ZDHHC11: variants seen among roughly 807,000 people sequenced by gnomAD.
The protein encoded by ZDHHC11 is palmitoyltransferase ZDHHC11.
Under a neutral mutation model 51.3 loss-of-function variants are expected in ZDHHC11, and 44 were observed. The observed-to-expected ratio is 0.86, with a 90% confidence interval of 0.67 to 1.10. The LOEUF is 1.10. ZDHHC11 is among the 50% of genes least tolerant of loss of function. The probability of loss-of-function intolerance (pLI) is 0.00; values close to 1 mark genes in which losing one functional copy is unlikely to be tolerated. For synonymous variants in ZDHHC11, 163 were observed against 222.0 expected (o/e 0.73, Z 2.36); for missense variants, 400 against 537.7 (o/e 0.74, Z 2.53).
At chr5:814,054 C>G (rs191137553) in intron 11 of ZDHHC11, among the ~76,000 whole-genome samples, 5 of 148,428 alleles carry the variant, frequency 3.4e-5, no homozygotes, top group Admixed American at 1.4e-4. Context: ...TATAAAGCTG[C>G]TTTTTAAAAT....
chr5:850,668 C>A lies in ZDHHC11; in HGVS notation c.-66G>T. On this transcript the variant is annotated 5_prime_UTR_variant, in exon 1 of 13. Transcript: ENST00000283441. ...TGGGAGGGCCGGCCCCGCCCACTGT[C>A]ACAGAGACCAAGGGGACTGGGAATG... is the stretch of plus-strand genomic sequence containing the variant. The A allele has an allele frequency of 6.3e-7, 1 of 1,579,108 alleles. No individual in the cohort carries two copies.
chr5:809,410 C>T (rs1739791200), intron 11 of ZDHHC11, among the ~76,000 whole-genome samples: 1 of 144,092 alleles, frequency 6.9e-6, no homozygotes, highest in Non-Finnish European at 1.5e-5. Flanking sequence ...GGTGTCAGCT[C>T]CCAAATGTGG....
chr5:800,891 T>A (rs1336423029), intron 12 of ZDHHC11, among the ~76,000 whole-genome samples: 3 of 151,366 alleles, frequency 2.0e-5, no homozygotes, highest in African/African-American at 4.9e-5. Context: ...TAAAGATGAA[T>A]TGATACTCTC....
chr5:843,978 A>AGGGGTG (rs1745639276), intron 3 of ZDHHC11, among the ~76,000 whole-genome samples: 1 of 78,106 alleles, frequency 1.3e-5, no homozygotes, highest in Admixed American at 1.4e-4. Context: ...AGGCAGGGGC[A>AGGGGTG]GGGACACGCA....
chr5:836,718 ATAATTCATGTCAC>A lies in ZDHHC11; in HGVS notation c.900+634_900+646del, dbSNP rs1743908010. Among the ~76,000 whole-genome samples, 6 of 149,514 alleles carry A rather than the reference ATAATTCATGTCAC, an allele frequency of 4.0e-5. No homozygotes were observed. In the South Asian group the frequency reaches 1.1e-3, roughly 27 times the overall value. On this transcript the variant is annotated intron_variant, in intron 6 of 12. Transcript: ENST00000283441. ...TCTATGTCTTCTTGAGTTAGTTATA[ATAATTCATGTCAC>A]TTAACCGGAAAGGGAACTAACTTCC...
chr5:816,178 A>C (rs949932479), intron 10 of ZDHHC11, among the ~76,000 whole-genome samples: 2 of 142,292 alleles, frequency 1.4e-5, no homozygotes, highest in African/African-American at 5.8e-5. Context: ...TCTGTGGCTT[A>C]TATTTTCATT....
chr5:848,790 C>T (rs1056323074), intron 1 of ZDHHC11, 130 bp from the exon 2 acceptor site: 58 of 1,335,246 alleles, frequency 4.3e-5, no homozygotes, highest in Non-Finnish European at 5.8e-5. Context: ...CACACGTGAG[C>T]CCAGCTCACC....
intron 7 of ZDHHC11, among the ~76,000 whole-genome samples, chr5:829,258 T>C (rs1413674470): frequency 6.6e-6 from 1 of 151,104 alleles, no homozygotes; most frequent in African/African-American, 2.4e-5. Flanking sequence ...ATTAGCAACA[T>C]TAAGCAAGAA....
intron 1 of ZDHHC11, among the ~76,000 whole-genome samples, chr5:857,734 T>TC (rs1171790435): frequency 7.3e-5 from 11 of 150,150 alleles, no homozygotes; most frequent in South Asian, 2.1e-4. Context: ...TCTGTCTCGG[T>TC]CCCCGTCCTG....
intron 11 of ZDHHC11, among the ~76,000 whole-genome samples, chr5:810,633 TGTGA>T (rs1380237415): frequency 2.6e-5 from 4 of 151,374 alleles, no homozygotes; most frequent in African/African-American, 9.7e-5. Context: ...AGTAAAAGGC[TGTGA>T]GTGAGTCTAT....
At chr5:811,660 T>G (rs923067206) in intron 11 of ZDHHC11, among the ~76,000 whole-genome samples, 1 of 150,086 alleles carries the variant, frequency 6.7e-6, no homozygotes, top group Admixed American at 6.6e-5. Flanking sequence ...CCCAGCGGAG[T>G]TGGGATGCCA....
intron 1 of ZDHHC11, among the ~76,000 whole-genome samples, chr5:858,010 C>T (rs2150527279): frequency 7.0e-6 from 1 of 143,498 alleles, no homozygotes; most frequent in Admixed American, 6.8e-5. Flanking sequence ...CGGGTCTGTC[C>T]CGGTCCTGTC....
At chr5:827,061 G>A (rs1397441073) in intron 7 of ZDHHC11, among the ~76,000 whole-genome samples, 1 of 141,100 alleles carries the variant, frequency 7.1e-6, no homozygotes, top group Non-Finnish European at 1.6e-5. Flanking sequence ...AGAAGGGATT[G>A]GGGTCCTATC....
intron 4 of ZDHHC11, 40 bp downstream of exon 4, chr5:843,560 G>A: frequency 6.2e-7 from 1 of 1,606,388 alleles, no homozygotes; most frequent in South Asian, 1.1e-5. Flanking sequence ...AAGACGGCTG[G>A]AGGCGAGGAT....
intron 7 of ZDHHC11, among the ~76,000 whole-genome samples, chr5:829,347 G>C (rs1284814063): frequency 6.6e-6 from 1 of 151,716 alleles, no homozygotes; most frequent in African/African-American, 2.4e-5. Context: ...GAATACAAAA[G>C]ATCATTTAAG....
intron 11 of ZDHHC11, among the ~76,000 whole-genome samples, chr5:813,439 T>C (rs1262525877): frequency 1.4e-5 from 2 of 142,454 alleles, no homozygotes; most frequent in East Asian, 2.1e-4. Flanking sequence ...CCGGGAGGCA[T>C]GCGGTGACCT....
At chr5:850,350 C>T (rs775338624) in intron 1 of ZDHHC11, 31 bp downstream of exon 1, 4 of 1,606,922 alleles carry the variant, frequency 2.5e-6, no homozygotes, top group Non-Finnish European at 3.4e-6. Context: ...GAACCCCTCC[C>T]GCTTAGACCA....
chr5:806,788 G>A (rs1209322147), intron 11 of ZDHHC11, among the ~76,000 whole-genome samples: 1 of 140,074 alleles, frequency 7.1e-6, no homozygotes, highest in African/African-American at 3.0e-5. Flanking sequence ...CATTAATAAT[G>A]AGGGAAATAC....
intron 4 of ZDHHC11, chr5:842,252 G>C (rs1327636084): frequency 1.0e-6 from 1 of 986,068 alleles, no homozygotes; most frequent in Admixed American, 6.1e-5. Context: ...CCCCCACAGG[G>C]AGAGCCCAGA....
Sources: gnomAD v4.1 joint callset for allele counts (sites outside exome capture counted in the v4.1 genomes callset) on GRCh38, gnomAD v4.1.1 for gene constraint, MANE v1.5 for transcripts, NCBI Gene and HGNC (gene_info 2026-07-23, HGNC 2026-07-21) for gene names.